CCDC85C: variants seen among roughly 807,000 people sequenced by gnomAD.
The protein encoded by CCDC85C is coiled-coil domain-containing protein 85C.
A neutral mutation model predicts 38.3 loss-of-function variants in CCDC85C; 18 were observed. That is an observed-to-expected ratio of 0.47 (90% confidence interval 0.33 to 0.70). CCDC85C has a LOEUF of 0.70. Ranked by LOEUF, CCDC85C falls within the 30% of genes least tolerant of loss-of-function variation. CCDC85C has a pLI of 0.03. For synonymous variants in CCDC85C, 264 were observed against 293.8 expected, an observed-to-expected ratio of 0.90 and a Z score of 1.04; for missense variants, 566 against 621.2, an observed-to-expected ratio of 0.91 and a Z score of 0.94.
Position 99,544,717 on chromosome 14 carries a change from C to T in CCDC85C, c.794-8629G>A, listed in dbSNP as rs1250805155. ...TTGACCCATCTCTCCTCCGAGACCT[C>T]GCCTCCAAGGGCACCAGATAAGCGC... On this transcript the variant is annotated intron_variant, in intron 1 of 5. Transcript: ENST00000380243. The surrounding 1 kb of genome is among the most constrained non-coding windows in gnomAD (Gnocchi z 5.3). Among the ~76,000 whole-genome samples, 2 of 152,120 alleles carry T rather than the reference C, an allele frequency of 1.3e-5. No homozygotes were observed. Among genetic ancestry groups the T allele is most frequent in the African/African-American group, 2.4e-5 (1 of 41,394 alleles).
rs3070390 is a variant in CCDC85C, at chr14:99,568,250, AT to A, written c.794-32163del. On this transcript the variant is annotated intron_variant, in intron 1 of 5. Coordinates refer to ENST00000380243, the MANE Select transcript of CCDC85C (RefSeq NM_001144995.2). Reference sequence around the variant, plus strand: ...ACTCTCTGGAGGCCACCTGCCCTTTATTTTTTTTTTTTTTTTTTTTGAGACA... The same window carrying A: ...ACTCTCTGGAGGCCACCTGCCCTTTATTTTTTTTTTTTTTTTTTTGAGACA... Among the ~76,000 whole-genome samples, 237 of 126,932 alleles carry A rather than the reference AT, an allele frequency of 1.9e-3. 2 individuals are homozygous for A. The highest frequency in any genetic ancestry group is 4.1e-3 in the Middle Eastern group (1 of 242). The allele number at this position is 126,932 out of a possible 152,430, so 83.3% of individuals were successfully genotyped here.
rs61742281 is a variant in CCDC85C, at chr14:99,514,850, C to T, written c.*396G>A. On this transcript the variant is annotated 3_prime_UTR_variant, in exon 6 of 6. Transcript: ENST00000380243. Reference sequence around the variant, plus strand: ...GGTGGTCTCTGTCCAGTGTGGGTGGCAGCCGGGGAGTAGAGGGTTTGATGA... The same window carrying T: ...GGTGGTCTCTGTCCAGTGTGGGTGGTAGCCGGGGAGTAGAGGGTTTGATGA... 132 of 174,276 alleles carry T rather than the reference C, an allele frequency of 7.6e-4. No individual in the cohort carries two copies. Among genetic ancestry groups the T allele is most frequent in the African/African-American group, 2.9e-3 (123 of 42,528 alleles). The allele number at this position is 174,276 out of a possible 1,614,324, so 10.8% of individuals were successfully genotyped here.
rs912707809 is a variant in CCDC85C, at chr14:99,587,129, C to T, written c.793+16038G>A. Among the ~76,000 whole-genome samples the T allele has an allele frequency of 1.1e-4, 17 of 152,342 alleles. No individual in the cohort carries two copies. The East Asian group carries it at 2.1e-3, about 19-fold the overall frequency. On this transcript the variant is annotated intron_variant, in intron 1 of 5. Transcript: ENST00000380243. The stretch of plus-strand genomic sequence containing the variant: ...CCTCCCTCTTCCTCCCAGATTCCTC[C>T]CTAGGCCTGCCAGAGGTCTCACACC...
rs1283793345 is a variant in CCDC85C, at chr14:99,503,028, G to A, written c.*12218C>T. ...GCCCTGGGTAGAGCAGGCTTTCCAG[G>A]TGGCGGCAACACCTGAGCACTGTTC... is the stretch of plus-strand genomic sequence containing the variant. On this transcript the variant is annotated 3_prime_UTR_variant, in exon 6 of 6. Coordinates refer to ENST00000380243, the MANE Select transcript of CCDC85C (RefSeq NM_001144995.2). The A allele has an allele frequency of 1.9e-6, 3 of 1,607,638 alleles. No homozygotes were observed. The highest frequency in any genetic ancestry group is 1.7e-6 in the Non-Finnish European group (2 of 1,174,408).
intron 2 of CCDC85C, among the ~76,000 whole-genome samples, chr14:99,532,872 C>A (rs1897521406): frequency 2.0e-5 from 3 of 151,012 alleles, no homozygotes; most frequent in Non-Finnish European, 4.4e-5. Flanking sequence ...ACCTCCGCCT[C>A]CCAGGTTTGA....
Position 99,555,151 on chromosome 14 carries a change from G to A in CCDC85C, c.794-19063C>T, listed in dbSNP as rs565883558. ...GTGAGGCGGGCGGGACAGGGAGCTA[G>A]GGAGCCTCCCTCTGTGTAATCACGC... On this transcript the variant is annotated intron_variant, in intron 1 of 5. Coordinates refer to ENST00000380243, the MANE Select transcript of CCDC85C (RefSeq NM_001144995.2). Among the ~76,000 whole-genome samples the A allele has an allele frequency of 1.7e-3, 264 of 152,326 alleles. 1 individual carries two copies. Among genetic ancestry groups the A allele is most frequent in the African/African-American group, 6.3e-3 (262 of 41,572 alleles).
At position 99,558,343 on chromosome 14, in the gene CCDC85C, A is replaced by G. The variant is rs1425040166; in HGVS notation, c.794-22255T>C. Among the ~76,000 whole-genome samples, 1 of 152,246 alleles carries G rather than the reference A, an allele frequency of 6.6e-6. No individual in the cohort carries two copies. Among genetic ancestry groups the G allele is most frequent in the African/African-American group, 2.4e-5 (1 of 41,468 alleles). Reference sequence around the variant, plus strand: ...AAATACGGTCTTTGCACATGTAGTCAAGGTAAGGTCCAGAGGAGACCACAC... The same window carrying G: ...AAATACGGTCTTTGCACATGTAGTCGAGGTAAGGTCCAGAGGAGACCACAC... On this transcript the variant is annotated intron_variant, in intron 1 of 5. Coordinates refer to ENST00000380243, the MANE Select transcript of CCDC85C (RefSeq NM_001144995.2). The surrounding 1 kb of genome is among the most constrained non-coding windows in gnomAD (Gnocchi z 4.2).
chr14:99,582,724 C>T (rs2054986662), intron 1 of CCDC85C, among the ~76,000 whole-genome samples: 1 of 151,984 alleles, frequency 6.6e-6, no homozygotes, highest in Admixed American at 6.6e-5. Flanking sequence ...TGAGACAGGA[C>T]AATCACTTGA....
In CCDC85C at chr14:99,520,973, C is replaced by T. The variant is rs1204696374; in HGVS notation, c.975+1160G>A. On this transcript the variant is annotated intron_variant, in intron 3 of 5. Coordinates refer to ENST00000380243, the MANE Select transcript of CCDC85C (RefSeq NM_001144995.2). This position sits in a 1 kb window ranked among gnomAD's most constrained non-coding sequence, Gnocchi z 4.1. ...GCTCGGCCCATGCCTGAGGTGTGCT[C>T]TCCAGAGGCCTGCAGGGAGACAGCA... 2.0e-5 allele frequency among the ~76,000 whole-genome samples: 3 copies of T among 152,260 alleles called. No individual in the cohort carries two copies. Among genetic ancestry groups the T allele is most frequent in the African/African-American group, 7.2e-5 (3 of 41,464 alleles).
intron 1 of CCDC85C, among the ~76,000 whole-genome samples, chr14:99,597,129 TC>T (rs2055151387): frequency 6.6e-6 from 1 of 151,250 alleles, no homozygotes; most frequent in East Asian, 1.9e-4. Flanking sequence ...CACCCACTGC[TC>T]CCCCAGCCCA....
At chr14:99,601,452 A>G (rs2139997828) in intron 1 of CCDC85C, among the ~76,000 whole-genome samples, 1 of 152,296 alleles carries the variant, frequency 6.6e-6, no homozygotes, top group South Asian at 2.1e-4. Flanking sequence ...CTTTCCTGCA[A>G]GTATGCTCTA....
chr14:99,563,059 G>A (rs1039101081), intron 1 of CCDC85C, among the ~76,000 whole-genome samples: 5 of 152,276 alleles, frequency 3.3e-5, no homozygotes, highest in African/African-American at 4.8e-5. Flanking sequence ...TACATAAAAC[G>A]GCCTTTGCAT....
At chr14:99,583,977 T>C (rs1055107075) in intron 1 of CCDC85C, among the ~76,000 whole-genome samples, 14 of 151,764 alleles carry the variant, frequency 9.2e-5, no homozygotes, top group African/African-American at 3.4e-4. Flanking sequence ...GCTTTGCTAA[T>C]GTGCTCCTTA....
At chr14:99,600,763 G>T (rs959793936) in intron 1 of CCDC85C, among the ~76,000 whole-genome samples, 2 of 152,226 alleles carry the variant, frequency 1.3e-5, no homozygotes, top group Non-Finnish European at 2.9e-5. Flanking sequence ...GCGCAAGCCT[G>T]GTGTCTGACC....
In CCDC85C at chr14:99,533,970, A is replaced by C. The variant is rs1381845349; in HGVS notation, c.867+2045T>G. ...TTTCCAGTGGGACACTGTGGCCTGC[A>C]GGGGCCAAGGGATCAGGGACACTCC... is the stretch of plus-strand genomic sequence containing the variant. On this transcript the variant is annotated intron_variant, in intron 2 of 5. Transcript: ENST00000380243. The surrounding 1 kb of genome is among the most constrained non-coding windows in gnomAD (Gnocchi z 4.2). 1.3e-5 allele frequency among the ~76,000 whole-genome samples: 2 copies of C among 152,236 alleles called. No individual in the cohort carries two copies. The highest frequency in any genetic ancestry group is 6.5e-5 in the Admixed American group (1 of 15,286).
intron 1 of CCDC85C, among the ~76,000 whole-genome samples, chr14:99,559,944 G>A (rs1898085473): frequency 6.6e-6 from 1 of 151,848 alleles, no homozygotes. Flanking sequence ...CATGGGTCTG[G>A]GTTTTTCTTC....
At chr14:99,575,653 C>T (rs1023917661) in intron 1 of CCDC85C, among the ~76,000 whole-genome samples, 1 of 152,206 alleles carries the variant, frequency 6.6e-6, no homozygotes, top group Non-Finnish European at 1.5e-5. Flanking sequence ...CTGCGCACAG[C>T]GGACCTGCAT....
chr14:99,562,915 ACTCT>A (rs1315684360), intron 1 of CCDC85C, among the ~76,000 whole-genome samples: 3 of 151,450 alleles, frequency 2.0e-5, no homozygotes, highest in Non-Finnish European at 4.4e-5. Context: ...TCACACACTC[ACTCT>A]GTCTCTCCAG....
chr14:99,573,151 G>T (rs577512444), intron 1 of CCDC85C, among the ~76,000 whole-genome samples: 15 of 152,208 alleles, frequency 9.9e-5, no homozygotes, highest in Non-Finnish European at 1.0e-4. Flanking sequence ...CATTTCCCCC[G>T]GTGCCTCGGA....
Sources: allele counts gnomAD v4.1 joint callset (sites outside exome capture counted in the v4.1 genomes callset), GRCh38; gene constraint gnomAD v4.1.1; non-coding constraint Gnocchi (gnomAD v3.1); transcripts MANE v1.5; gene names NCBI Gene and HGNC (gene_info 2026-07-23, HGNC 2026-07-21).